ACTN1: variants seen among roughly 807,000 people sequenced by gnomAD.
The protein encoded by ACTN1 is alpha-actinin-1.
In ACTN1, 30 loss-of-function variants were observed where a neutral mutation model predicts 119.6. The observed-to-expected ratio is 0.25, with a 90% CI of 0.19 to 0.34. ACTN1 has a LOEUF of 0.34. Ranked by LOEUF, ACTN1 falls within the 10% of genes least tolerant of loss-of-function variation. The probability of loss-of-function intolerance (pLI) is 1.00; values close to 1 mark genes in which losing one functional copy is unlikely to be tolerated. For missense variants in ACTN1, 764 were observed against 1,223.4 expected (o/e 0.62, Z 5.60); for synonymous variants, 429 against 472.6 (o/e 0.91, Z 1.20).
At chr14:68,881,936 C>CTTTTTTTTT (rs781067137) in intron 16 of ACTN1, among the ~76,000 whole-genome samples, 13 of 58,394 alleles carry the variant, frequency 2.2e-4, no homozygotes, top group Non-Finnish European at 3.0e-4. Flanking sequence ...TAGGCAGCTT[C>CTTTTTTTTT]TTTTTTTTTT....
chr14:68,874,796 G>A lies in ACTN1; in HGVS notation c.*63C>T. On this transcript the variant is annotated 3_prime_UTR_variant, in exon 22 of 22. Coordinates refer to ENST00000394419, the MANE Select transcript of ACTN1 (RefSeq NM_001130004.2). ...TGAAACCGAACCCAGGCAGGAGATGGGCGACGGCGGAGGTGCAAGGCAGGG... is the reference window on the plus strand; with the variant it reads ...TGAAACCGAACCCAGGCAGGAGATGAGCGACGGCGGAGGTGCAAGGCAGGG... The A allele has an allele frequency of 1.4e-6, 2 of 1,439,332 alleles. No individual in the cohort carries two copies. Among genetic ancestry groups the A allele is most frequent in the South Asian group, 1.6e-5 (1 of 62,992 alleles). 89.2% of individuals were successfully genotyped at this position (1,439,332 alleles called of 1,614,324 possible).
intron 1 of ACTN1, among the ~76,000 whole-genome samples, chr14:68,971,280 T>C (rs556682037): frequency 1.2e-4 from 19 of 152,360 alleles, no homozygotes; most frequent in African/African-American, 4.6e-4. Flanking sequence ...ATTTAATCAG[T>C]GTGAACTATT....
At chr14:68,920,379 T>C (rs948122427) in intron 3 of ACTN1, among the ~76,000 whole-genome samples, 4 of 152,184 alleles carry the variant, frequency 2.6e-5, no homozygotes, top group African/African-American at 9.7e-5. Flanking sequence ...GGGGCCTGGA[T>C]AGAACATTTT....
chr14:68,888,615 T>C (rs1169968494), intron 11 of ACTN1, among the ~76,000 whole-genome samples: 2 of 152,090 alleles, frequency 1.3e-5, no homozygotes, highest in Non-Finnish European at 2.9e-5. Flanking sequence ...CCCTGGGCCA[T>C]AGACTGGTAC....
chr14:68,881,222 C>A, intron 16 of ACTN1: 1 of 448,926 alleles, frequency 2.2e-6, no homozygotes, highest in Non-Finnish European at 4.0e-6. Context: ...GGATGAAATA[C>A]CTACCAACTC....
chr14:68,936,320 C>A (rs574060446), intron 1 of ACTN1, among the ~76,000 whole-genome samples: 1 of 152,088 alleles, frequency 6.6e-6, no homozygotes, highest in East Asian at 1.9e-4. Flanking sequence ...AGAATCCTGA[C>A]GTTAGTGTCC....
intron 6 of ACTN1, among the ~76,000 whole-genome samples, chr14:68,907,636 G>A (rs73284990): frequency 0.04 from 6,063 of 152,218 alleles, 381 homozygotes; most frequent in African/African-American, 0.14. Flanking sequence ...GGGAGAAACT[G>A]GCAGAGATAA....
At position 68,878,336 on chromosome 14, in the gene ACTN1, G is replaced by A; in HGVS notation, c.2427+122C>T. On this transcript the variant is annotated intron_variant, in intron 20 of 21. Coordinates refer to ENST00000394419, the MANE Select transcript of ACTN1 (RefSeq NM_001130004.2). The surrounding 1 kb of genome is among the most constrained non-coding windows in gnomAD (Gnocchi z 4.4). ...CTTCCCCAAGGACATGGGCCCTGGGGCTCCTCCAGGGAGGGCAGCCCCTAG... is the reference window on the plus strand; with the variant it reads ...CTTCCCCAAGGACATGGGCCCTGGGACTCCTCCAGGGAGGGCAGCCCCTAG... 1 of 1,388,402 alleles carries A rather than the reference G, an allele frequency of 7.2e-7. No homozygotes were observed. Among genetic ancestry groups the A allele is most frequent in the South Asian group, 1.5e-5 (1 of 64,864 alleles). 86.0% of individuals were successfully genotyped at this position (1,388,402 alleles called of 1,614,324 possible). A position where few individuals can be genotyped will look rare whatever the true frequency, so the allele number is the denominator to read the frequency against.
At chr14:68,934,422 A>G (rs192182599) in intron 1 of ACTN1, among the ~76,000 whole-genome samples, 11 of 152,366 alleles carry the variant, frequency 7.2e-5, no homozygotes, top group Admixed American at 7.2e-4. Context: ...TGAATTTTCA[A>G]AAGGTGTATT....
intron 1 of ACTN1, among the ~76,000 whole-genome samples, chr14:68,962,393 C>T (rs578103374): frequency 1.1e-4 from 16 of 152,308 alleles, no homozygotes; most frequent in Admixed American, 7.2e-4. Context: ...CCCATGGCAA[C>T]GGGCCAGCAC....
In ACTN1 at chr14:68,875,158, A is replaced by C. The variant is rs1372847379; in HGVS notation, c.2587-141T>G. ...CCTCCCTCCTGTAACTACAGGATGT[A>C]CGGACGTAAATATCCACACATGTAC... On this transcript the variant is annotated intron_variant, in intron 21 of 21. Coordinates refer to ENST00000394419, the MANE Select transcript of ACTN1 (RefSeq NM_001130004.2). 6 of 1,529,174 alleles carry C rather than the reference A, an allele frequency of 3.9e-6. No individual in the cohort carries two copies. The African/African-American group carries it at 4.1e-5, about 10-fold the overall frequency. The allele number at this position is 1,529,174 out of a possible 1,614,324, so 94.7% of individuals were successfully genotyped here.
chr14:68,888,067 G>A (rs1356653616), intron 11 of ACTN1: 13 of 712,548 alleles, frequency 1.8e-5, no homozygotes, highest in Non-Finnish European at 3.2e-5. Context: ...CAGCAGAGCT[G>A]ACCTTCCCCT....
chr14:68,899,211 CACACCA>C (rs2033119877), intron 8 of ACTN1, among the ~76,000 whole-genome samples: 1 of 134,252 alleles, frequency 7.4e-6, no homozygotes, highest in African/African-American at 2.8e-5. Flanking sequence ...TATACCCCTC[CACACCA>C]CACACCACAC....
chr14:68,909,378 G>A lies in ACTN1; in HGVS notation c.534C>T (p.Gly178=). The part of the protein sequence containing the change: ...NFHISWKDGL[G]FCALIHRHRP... The stretch of plus-strand genomic sequence containing the variant: ...GGTGTCGGTGGATCAAAGCACAGAA[G>A]CCGAGGCCATCCTTCCAGCTGCCCG... The change falls in exon 6 of 22, where the codon GGC becomes GGT. Residue 178 remains glycine (G), a synonymous_variant. Coordinates refer to ENST00000394419, the MANE Select transcript of ACTN1 (RefSeq NM_001130004.2). The surrounding 1 kb of genome is among the most constrained non-coding windows in gnomAD (Gnocchi z 4.1). 1.2e-6 allele frequency: 2 copies of A among 1,614,042 alleles called. No individual in the cohort carries two copies. The highest frequency in any genetic ancestry group is 2.2e-5 in the South Asian group (2 of 91,076).
chr14:68,879,591 G>A lies in ACTN1; in HGVS notation c.2280+371C>T, dbSNP rs1389877660. ...AGAGTCCCAGAGGCCACTGGAGGTC[G>A]GGGTAGGGGTAGGGGCCAGCGAGGG... On this transcript the variant is annotated intron_variant, in intron 18 of 21. Transcript: ENST00000394419. This position sits in a 1 kb window ranked among gnomAD's most constrained non-coding sequence, Gnocchi z 4.9. Among the ~76,000 whole-genome samples, 5 of 152,146 alleles carry A rather than the reference G, an allele frequency of 3.3e-5. No individual in the cohort carries two copies. The highest frequency in any genetic ancestry group is 9.7e-5 in the African/African-American group (4 of 41,428).
intron 1 of ACTN1, among the ~76,000 whole-genome samples, chr14:68,976,000 T>G (rs1329272929): frequency 6.6e-6 from 1 of 152,106 alleles, no homozygotes; most frequent in Non-Finnish European, 1.5e-5. Flanking sequence ...TGTGTCCCAT[T>G]TACAGAGGAG....
chr14:68,887,162 T>C, intron 11 of ACTN1: 2 of 175,408 alleles, frequency 1.1e-5, no homozygotes, highest in Non-Finnish European at 2.4e-5. Flanking sequence ...GGCTATCAAG[T>C]ACCAGTATTT....
chr14:68,907,679 A>G (rs1283552556), intron 6 of ACTN1, among the ~76,000 whole-genome samples: 1 of 152,224 alleles, frequency 6.6e-6, no homozygotes, highest in Non-Finnish European at 1.5e-5. Context: ...TGCGTGGGAG[A>G]GTGCTAACTG....
At chr14:68,918,731 TAAAA>T (rs35150226) in intron 3 of ACTN1, among the ~76,000 whole-genome samples, 7 of 144,624 alleles carry the variant, frequency 4.8e-5, no homozygotes, top group Non-Finnish European at 9.1e-5. Context: ...CCATCTCTAC[TAAAA>T]AAAAAAAAAG....
Sources: allele counts gnomAD v4.1 joint callset (sites outside exome capture counted in the v4.1 genomes callset), GRCh38; gene constraint gnomAD v4.1.1; non-coding constraint Gnocchi (gnomAD v3.1); transcripts MANE v1.5; gene names NCBI Gene and HGNC (gene_info 2026-07-23, HGNC 2026-07-21).